WDR7: variants seen among roughly 807,000 people sequenced by gnomAD.
The protein encoded by WDR7 is WD repeat domain 7, also known as WD repeat-containing protein 7.
WDR7 carries 46 observed loss-of-function variants against 169.4 expected under a neutral mutation model. The ratio of observed to expected loss-of-function variants is 0.27; its 90% CI spans 0.21 to 0.35. WDR7 has a LOEUF of 0.35. WDR7 is among the 10% of genes least tolerant of loss of function. The probability of loss-of-function intolerance (pLI) is 1.00; values close to 1 mark genes in which losing one functional copy is unlikely to be tolerated. For missense variants in WDR7, 1,534 were observed against 1,859.3 expected, an observed-to-expected ratio of 0.83 and a Z score of 3.22; for synonymous variants, 612 against 666.8, an observed-to-expected ratio of 0.92 and a Z score of 1.27.
At chr18:56,787,215 A>C (rs2044414723) in intron 19 of WDR7, among the ~76,000 whole-genome samples, 1 of 152,050 alleles carries the variant, frequency 6.6e-6, no homozygotes, top group Admixed American at 6.5e-5. Flanking sequence ...CTCTGAGGCA[A>C]ATGCTGATGG....
At chr18:56,858,045 C>T (rs1359928534) in intron 20 of WDR7, among the ~76,000 whole-genome samples, 1 of 152,138 alleles carries the variant, frequency 6.6e-6, no homozygotes, top group Admixed American at 6.5e-5. Flanking sequence ...TTCCAGCTTT[C>T]TCTCTCCAGA....
chr18:56,782,368 A>C (rs923197577), intron 19 of WDR7, among the ~76,000 whole-genome samples: 6 of 152,088 alleles, frequency 3.9e-5, no homozygotes, highest in Non-Finnish European at 8.8e-5. Flanking sequence ...TTAGTTACTA[A>C]ATAATTTTTT....
At chr18:56,699,440 T>C (rs926902562) in intron 12 of WDR7, among the ~76,000 whole-genome samples, 1 of 152,220 alleles carries the variant, frequency 6.6e-6, no homozygotes, top group African/African-American at 2.4e-5. Flanking sequence ...GTAGTTGAGA[T>C]AGTTGATCAG....
At position 57,027,626 on chromosome 18, in the gene WDR7, AC is replaced by A. The variant is rs965888331; in HGVS notation, c.*420del. 7.8e-4 allele frequency: 150 copies of A among 192,256 alleles called. No homozygotes were observed. Among genetic ancestry groups the A allele is most frequent in the Admixed American group, 1.8e-3 (30 of 16,908 alleles). The allele number at this position is 192,256 out of a possible 1,614,324, so 11.9% of individuals were successfully genotyped here. ...GCTGCTTGAATCTGGCCGTTCTGAC[AC>A]TGGGTGTTGAGGTCATGTGGCAGTC... On this transcript the variant is annotated 3_prime_UTR_variant, in exon 28 of 28. Coordinates refer to ENST00000254442, the MANE Select transcript of WDR7 (RefSeq NM_015285.3).
intron 19 of WDR7, among the ~76,000 whole-genome samples, chr18:56,815,630 C>T (rs774291224): frequency 6.6e-6 from 1 of 152,300 alleles, no homozygotes; most frequent in Admixed American, 6.5e-5. Context: ...CCTCCCAACT[C>T]CCAAGTTATA....
intron 20 of WDR7, among the ~76,000 whole-genome samples, chr18:56,848,507 C>T (rs2045597765): frequency 6.6e-6 from 1 of 152,046 alleles, no homozygotes; most frequent in African/African-American, 2.4e-5. Flanking sequence ...GTGAGAAGGA[C>T]ATAAGATTAG....
chr18:56,938,950 TGGTCTGTAATATGTAAA>T (rs548628853), intron 24 of WDR7, among the ~76,000 whole-genome samples: 85 of 152,240 alleles, frequency 5.6e-4, no homozygotes, highest in Admixed American at 1.8e-3. Flanking sequence ...CACATGGAAT[TGGTCTGTAATATGTAAA>T]GGTCTGTAAT....
intron 13 of WDR7, among the ~76,000 whole-genome samples, chr18:56,724,881 C>T (rs867988395): frequency 2.6e-5 from 4 of 152,176 alleles, no homozygotes; most frequent in Middle Eastern, 6.8e-3. Flanking sequence ...TCAGTTCCCA[C>T]CTATGAGTGA....
intron 8 of WDR7, 50 bp from the exon 9 acceptor site, chr18:56,691,665 G>C: frequency 1.3e-6 from 2 of 1,483,716 alleles, no homozygotes; most frequent in South Asian, 1.2e-5. Flanking sequence ...GAATTATAAA[G>C]TATTTAATGT....
intron 26 of WDR7, among the ~76,000 whole-genome samples, chr18:57,013,480 T>C: frequency 6.7e-6 from 1 of 150,094 alleles, no homozygotes; most frequent in East Asian, 1.9e-4. Context: ...TAAATTAAAG[T>C]ATTACGTTAT....
chr18:56,691,201 C>G lies in WDR7; in HGVS notation c.718-15C>G, dbSNP rs766235819. 1 of 1,599,034 alleles carries G rather than the reference C, an allele frequency of 6.3e-7. No homozygotes were observed. The highest frequency in any genetic ancestry group is 8.5e-7 in the Non-Finnish European group (1 of 1,175,296). ...ACAATATGGAGTAGATTGTGAATTT[C>G]TTTCTTCCTTGCAGGTGTTCGATGC... On this transcript the variant is annotated splice_polypyrimidine_tract_variant and intron_variant, in intron 7 of 27. Transcript: ENST00000254442.
chr18:56,947,088 T>A (rs2047113373), intron 25 of WDR7, among the ~76,000 whole-genome samples: 1 of 152,200 alleles, frequency 6.6e-6, no homozygotes, highest in East Asian at 1.9e-4. Flanking sequence ...ACACACATCC[T>A]TCAAAACACA....
At chr18:56,687,072 C>A in intron 7 of WDR7, 98 bp downstream of exon 7, 1 of 1,132,764 alleles carries the variant, frequency 8.8e-7, no homozygotes, top group Admixed American at 3.0e-5. Flanking sequence ...TGGTGCAAGA[C>A]TATTTTCATC....
chr18:56,853,073 A>G (rs549948294), intron 20 of WDR7, among the ~76,000 whole-genome samples: 1 of 152,328 alleles, frequency 6.6e-6, no homozygotes, highest in Non-Finnish European at 1.5e-5. Flanking sequence ...AATATCTTGA[A>G]GATTTTGTGT....
chr18:57,018,334 C>G (rs759962006), intron 26 of WDR7, among the ~76,000 whole-genome samples: 12 of 152,166 alleles, frequency 7.9e-5, no homozygotes, highest in Non-Finnish European at 1.5e-4. Context: ...GATCCCAGAG[C>G]ATGGAAGAAA....
chr18:56,929,883 T>C (rs1159767157), intron 22 of WDR7, among the ~76,000 whole-genome samples: 4 of 152,206 alleles, frequency 2.6e-5, no homozygotes. Flanking sequence ...TATTGATTGA[T>C]AACATGATAG....
chr18:56,737,483 G>A lies in WDR7; in HGVS notation c.1989+5886G>A, dbSNP rs187964541. ...CAATCAGAATCACCTTATTTATAGGGGAAAATGATGAGGTTGAGGAAGTGG... is the reference window on the plus strand; with the variant it reads ...CAATCAGAATCACCTTATTTATAGGAGAAAATGATGAGGTTGAGGAAGTGG... On this transcript the variant is annotated intron_variant, in intron 14 of 27. Transcript: ENST00000254442. 1.6e-3 allele frequency among the ~76,000 whole-genome samples: 245 copies of A among 152,182 alleles called. 1 individual carries two copies. In the Middle Eastern group the frequency reaches 0.017, roughly 11 times the overall value.
chr18:56,873,388 T>C (rs2045979181), intron 20 of WDR7: 1 of 152,204 alleles, frequency 6.6e-6, no homozygotes, highest in Non-Finnish European at 1.5e-5. Context: ...CAAATGATTG[T>C]TTGAAAGTAC....
At chr18:56,907,516 T>C (rs1311953857) in intron 21 of WDR7, among the ~76,000 whole-genome samples, 1 of 152,214 alleles carries the variant, frequency 6.6e-6, no homozygotes, top group Non-Finnish European at 1.5e-5. Flanking sequence ...CTGATCTGCC[T>C]AATAAGATTG....
Sources: gnomAD v4.1 joint callset for allele counts (sites outside exome capture counted in the v4.1 genomes callset) on GRCh38, gnomAD v4.1.1 for gene constraint, MANE v1.5 for transcripts, NCBI Gene and HGNC (gene_info 2026-07-23, HGNC 2026-07-21) for gene names.